IGF1R: variants seen among roughly 807,000 people sequenced by gnomAD.
IGF1R encodes insulin-like growth factor 1 receptor.
In IGF1R, 44 loss-of-function variants were observed where a neutral mutation model predicts 144.6. That is an observed-to-expected ratio of 0.30 (90% CI 0.24 to 0.39). The LOEUF is 0.39. Among genes scored for constraint, IGF1R ranks in the 10% least tolerant of loss-of-function variants. IGF1R has a pLI of 1.00. For synonymous variants in IGF1R, 795 were observed against 722.8 expected (o/e 1.10, Z -1.60); for missense variants, 1,355 against 1,833.7 (o/e 0.74, Z 4.77).
chr15:98,763,876 C>A (rs1322129238), intron 2 of IGF1R, among the ~76,000 whole-genome samples: 1 of 152,158 alleles, frequency 6.6e-6, no homozygotes, highest in African/African-American at 2.4e-5. Flanking sequence ...CCCAGCGTGA[C>A]CTCATTAGCA....
intron 20 of IGF1R, 103 bp from the exon 21 acceptor site, chr15:98,956,958 G>A (rs1200417178): frequency 1.4e-5 from 19 of 1,318,116 alleles, no homozygotes; most frequent in South Asian, 7.1e-5. Flanking sequence ...CAGTGCTCCC[G>A]CCGTACGCTT....
intron 1 of IGF1R, among the ~76,000 whole-genome samples, chr15:98,695,976 C>T (rs2053587074): frequency 6.6e-6 from 1 of 152,052 alleles, no homozygotes; most frequent in African/African-American, 2.4e-5. Context: ...TCCCCTGGCC[C>T]CTTACTAAGT....
rs2017202128 is a variant in IGF1R at position 98,960,961 on chromosome 15, ACGGCTCGCTC to A, written c.*3521_*3530del. On this transcript the variant is annotated 3_prime_UTR_variant, in exon 21 of 21. Transcript: ENST00000650285. ...CCTGGTCCTGCTGCTCACAGGACAG[ACGGCTCGCTC>A]CCCTCTTCCAGCAGCTGCTCTTACA... 4.3e-6 allele frequency: 1 copy of A among 233,718 alleles called. No individual in the cohort carries two copies. Among genetic ancestry groups the A allele is most frequent in the African/African-American group, 2.2e-5 (1 of 45,354 alleles). The allele number at this position is 233,718 out of a possible 1,614,324, so 14.5% of individuals were successfully genotyped here.
intron 20 of IGF1R, chr15:98,952,756 C>T (rs1416202400): frequency 6.6e-6 from 1 of 152,200 alleles, no homozygotes; most frequent in Non-Finnish European, 1.5e-5. Flanking sequence ...ACTTCCTGTT[C>T]TCAGCATAGA....
At chr15:98,904,951 A>G (rs2014662190) in intron 5 of IGF1R, among the ~76,000 whole-genome samples, 1 of 152,204 alleles carries the variant, frequency 6.6e-6, no homozygotes, top group Admixed American at 6.5e-5. Context: ...GTATCCTTTT[A>G]TGTTTAGCCC....
chr15:98,764,640 G>GT (rs1353287736), intron 2 of IGF1R, among the ~76,000 whole-genome samples: 3 of 152,280 alleles, frequency 2.0e-5, no homozygotes, highest in East Asian at 1.9e-4. Flanking sequence ...ACAATTTGTA[G>GT]TTTTTTTCTA....
At chr15:98,761,189 A>C (rs972271588) in intron 2 of IGF1R, among the ~76,000 whole-genome samples, 1 of 152,218 alleles carries the variant, frequency 6.6e-6, no homozygotes, top group Non-Finnish European at 1.5e-5. Context: ...CTGCAGGGGC[A>C]CTGTGGAGCA....
chr15:98,715,336 C>A (rs2054088707), intron 2 of IGF1R, among the ~76,000 whole-genome samples: 1 of 152,052 alleles, frequency 6.6e-6, no homozygotes, highest in Non-Finnish European at 1.5e-5. Flanking sequence ...CCATCCTGGG[C>A]CTCCTTCAGA....
chr15:98,938,244 AG>A (rs2016232982), intron 17 of IGF1R, among the ~76,000 whole-genome samples: 1 of 152,234 alleles, frequency 6.6e-6, no homozygotes, highest in Non-Finnish European at 1.5e-5. Context: ...GGGCATGCTC[AG>A]CTGGTGGCCG....
intron 2 of IGF1R, among the ~76,000 whole-genome samples, chr15:98,838,259 C>A (rs60536268): frequency 0.029 from 4,344 of 152,226 alleles, 207 homozygotes; most frequent in African/African-American, 0.098. Flanking sequence ...TCACTGTGGT[C>A]TTCAGCAGGG....
chr15:98,828,122 G>A (rs1303402222), intron 2 of IGF1R, among the ~76,000 whole-genome samples: 1 of 152,136 alleles, frequency 6.6e-6, no homozygotes, highest in Non-Finnish European at 1.5e-5. Context: ...CTGTTACAGT[G>A]ATCACTCCAT....
chr15:98,802,765 T>C (rs2056388879), intron 2 of IGF1R, among the ~76,000 whole-genome samples: 1 of 152,222 alleles, frequency 6.6e-6, no homozygotes, highest in Admixed American at 6.5e-5. Flanking sequence ...CAAGATATTT[T>C]TTCTCATATA....
intron 20 of IGF1R, among the ~76,000 whole-genome samples, chr15:98,953,407 T>C (rs1379814288): frequency 2.6e-5 from 4 of 152,160 alleles, no homozygotes; most frequent in Non-Finnish European, 5.9e-5. Context: ...GTACTTTAGA[T>C]TGATGACAAA....
At chr15:98,762,736 C>CAAAACT (rs1006589833) in intron 2 of IGF1R, among the ~76,000 whole-genome samples, 7 of 151,658 alleles carry the variant, frequency 4.6e-5, no homozygotes, top group Non-Finnish European at 8.8e-5. Context: ...CCAAACAAAA[C>CAAAACT]AAAACTAAAA....
chr15:98,648,611 GA>G lies in IGF1R; in HGVS notation c.-962del, dbSNP rs1031648493. On this transcript the variant is annotated 5_prime_UTR_variant, in exon 1 of 21. Transcript: ENST00000650285. The stretch of plus-strand genomic sequence containing the variant: ...TTACCAGCATTAACTCCGCTGAGCG[GA>G]AAAAAAAAGGGAAAAAACCCGAGGA... Among the ~76,000 whole-genome samples the G allele has an allele frequency of 4.2e-5, 6 of 144,398 alleles. No individual in the cohort carries two copies. Among genetic ancestry groups the G allele is most frequent in the Admixed American group, 2.0e-4 (3 of 14,688 alleles). The allele number at this position is 144,398 out of a possible 152,430, so 94.7% of individuals were successfully genotyped here. A position where few individuals can be genotyped will look rare whatever the true frequency, so the allele number is the denominator to read the frequency against.
chr15:98,781,434 T>G (rs896442060), intron 2 of IGF1R, among the ~76,000 whole-genome samples: 1 of 152,214 alleles, frequency 6.6e-6, no homozygotes, highest in Admixed American at 6.5e-5. Context: ...AGATCGTATT[T>G]AAATCCATTA....
intron 19 of IGF1R, among the ~76,000 whole-genome samples, chr15:98,945,368 GTA>G (rs1236750511): frequency 6.6e-6 from 1 of 152,210 alleles, no homozygotes; most frequent in Non-Finnish European, 1.5e-5. Flanking sequence ...GTGTGGGGAA[GTA>G]TAGTTACTGA....
At chr15:98,778,087 G>A (rs1223155168) in intron 2 of IGF1R, among the ~76,000 whole-genome samples, 1 of 152,160 alleles carries the variant, frequency 6.6e-6, no homozygotes, top group East Asian at 1.9e-4. Context: ...TCTTTTAGGG[G>A]GTGAGGATAG....
intron 9 of IGF1R, 127 bp downstream of exon 9, chr15:98,916,258 CT>C: frequency 1.4e-6 from 1 of 720,004 alleles, no homozygotes; most frequent in Non-Finnish European, 2.2e-6. Context: ...CAGCTATCTT[CT>C]GGTTTTTTTT....
Sources: allele counts gnomAD v4.1 joint callset (sites outside exome capture counted in the v4.1 genomes callset), GRCh38; gene constraint gnomAD v4.1.1; transcripts MANE v1.5; gene names NCBI Gene and HGNC (gene_info 2026-07-23, HGNC 2026-07-21).